Variants in AQR observed in about 807,000 individuals in gnomAD.
AQR encodes the protein RNA helicase aquarius.
Under a neutral mutation model 180.5 loss-of-function variants are expected in AQR, and 61 were observed. That is an observed-to-expected ratio of 0.34 (90% confidence interval 0.28 to 0.42). The LOEUF (loss-of-function observed/expected upper bound fraction) is 0.42. AQR is among the 10% of genes least tolerant of loss of function. The pLI is 1.00. For synonymous variants in AQR, 551 were observed against 588.8 expected, an observed-to-expected ratio of 0.94 and a Z score of 0.93; for missense variants, 1,281 against 1,798.3, an observed-to-expected ratio of 0.71 and a Z score of 5.20.
chr15:34,934,781 C>T, intron 9 of AQR, 146 bp from the exon 10 acceptor site: 4 of 476,116 alleles, frequency 8.4e-6, no homozygotes. Context: ...GAATGAGGAT[C>T]TCACATATAT....
Position 34,856,145 on chromosome 15 carries a change from C to T in AQR, c.*647G>A, listed in dbSNP as rs1056287546. 4 of 155,982 alleles carry T rather than the reference C, an allele frequency of 2.6e-5. No individual in the cohort carries two copies. Among genetic ancestry groups the T allele is most frequent in the Non-Finnish European group, 5.6e-5 (4 of 71,998 alleles). The allele number at this position is 155,982 out of a possible 1,614,324, so 9.7% of individuals were successfully genotyped here. A position where few individuals can be genotyped will look rare whatever the true frequency, so the allele number is the denominator to read the frequency against. ...CCCAAACATTAGTGGTGTGGAGAAC[C>T]TCCTAAAATATAGATTCCTAGGCTC... On this transcript the variant is annotated 3_prime_UTR_variant, in exon 35 of 35. Transcript: ENST00000156471.
chr15:34,900,490 T>C lies in AQR; in HGVS notation c.2243+132A>G, dbSNP rs933559867. ...TAATAAAGTTATCCCAGTGATTGTA[T>C]GGTGAAGGTAGGGACTGCTAAAACA... On this transcript the variant is annotated intron_variant, in intron 20 of 34. Coordinates refer to ENST00000156471, the MANE Select transcript of AQR (RefSeq NM_014691.3). 8.4e-6 allele frequency: 9 copies of C among 1,068,312 alleles called. No individual in the cohort carries two copies. The Admixed American group carries it at 1.4e-4, about 17-fold the overall frequency. The allele number at this position is 1,068,312 out of a possible 1,614,324, so 66.2% of individuals were successfully genotyped here. A position where few individuals can be genotyped will look rare whatever the true frequency, so the allele number is the denominator to read the frequency against.
chr15:34,895,014 A>C (rs1893210916), intron 22 of AQR, among the ~76,000 whole-genome samples: 1 of 150,646 alleles, frequency 6.6e-6, no homozygotes, highest in Non-Finnish European at 1.5e-5. Context: ...AAAAATACAA[A>C]AATATCAGCT....
At chr15:34,920,651 C>T (rs1595797631) in intron 13 of AQR, among the ~76,000 whole-genome samples, 5 of 152,210 alleles carry the variant, frequency 3.3e-5, no homozygotes, top group Admixed American at 3.3e-4. Flanking sequence ...GGGCAGTCCC[C>T]AAGAACACTT....
intron 12 of AQR, 42 bp from the exon 13 acceptor site, chr15:34,927,180 A>G: frequency 1.7e-6 from 2 of 1,151,636 alleles, no homozygotes; most frequent in Non-Finnish European, 1.2e-6. Flanking sequence ...TAATGTCTAC[A>G]TATTAATATA....
At chr15:34,917,736 A>G (rs545784399) in intron 15 of AQR, among the ~76,000 whole-genome samples, 2 of 151,526 alleles carry the variant, frequency 1.3e-5, no homozygotes, top group African/African-American at 4.8e-5. Context: ...TAATCCCAGC[A>G]CTTTGGGAGG....
intron 11 of AQR, among the ~76,000 whole-genome samples, chr15:34,931,568 G>A (rs1054140633): frequency 1.3e-5 from 2 of 152,150 alleles, no homozygotes. Context: ...AGCATTTTGG[G>A]AGGCCGAGGT....
In AQR at chr15:34,928,118, CGTTA is replaced by C. The variant is rs535334066; in HGVS notation, c.1015-984_1015-981del. On this transcript the variant is annotated intron_variant, in intron 12 of 34. Transcript: ENST00000156471. ...TGAAAAAAGCAGGAAAAGACATCTG[CGTTA>C]ATCCTTCTTCCAAAACAATAAGGCT... 2.5e-3 allele frequency among the ~76,000 whole-genome samples: 377 copies of C among 152,252 alleles called. 3 individuals carry two copies. Among genetic ancestry groups the C allele is most frequent in the African/African-American group, 8.5e-3 (355 of 41,540 alleles).
chr15:34,867,778 C>G (rs905306353), intron 31 of AQR, 169 bp from the exon 32 acceptor site: 5 of 556,474 alleles, frequency 9.0e-6, no homozygotes, highest in Non-Finnish European at 9.4e-6. Context: ...ATTAAAGAAA[C>G]CATACTAATC....
chr15:34,958,399 C>T (rs2140506980), intron 3 of AQR, among the ~76,000 whole-genome samples: 1 of 152,092 alleles, frequency 6.6e-6, no homozygotes, highest in Non-Finnish European at 1.5e-5. Flanking sequence ...GCCTGTGGTG[C>T]CAGCTACTCG....
intron 20 of AQR, among the ~76,000 whole-genome samples, chr15:34,897,958 T>C (rs915052384): frequency 5.3e-5 from 8 of 152,230 alleles, no homozygotes; most frequent in Non-Finnish European, 1.2e-4. Context: ...TTAAATATTA[T>C]CTCATGTGCA....
chr15:34,922,623 A>G (rs967915574), intron 13 of AQR, among the ~76,000 whole-genome samples: 1 of 151,970 alleles, frequency 6.6e-6, no homozygotes, highest in Non-Finnish European at 1.5e-5. Context: ...GGCAAGATAT[A>G]GCTCACTGCG....
At chr15:34,925,453 C>T (rs910489993) in intron 13 of AQR, among the ~76,000 whole-genome samples, 3 of 152,212 alleles carry the variant, frequency 2.0e-5, no homozygotes, top group South Asian at 2.1e-4. Flanking sequence ...ACGCATGCCC[C>T]GTTTGAATCA....
At chr15:34,925,395 T>C (rs1003100012) in intron 13 of AQR, among the ~76,000 whole-genome samples, 1 of 152,230 alleles carries the variant, frequency 6.6e-6, no homozygotes, top group East Asian at 1.9e-4. Flanking sequence ...TAAGTGTAAA[T>C]TGATAGTCTT....
In AQR at chr15:34,897,420, CAGAATAGAA is replaced by C; in HGVS notation, c.2390+130_2390+138del. The C allele has an allele frequency of 3.1e-6, 3 of 970,984 alleles. No individual in the cohort carries two copies. In the South Asian group the frequency reaches 5.0e-5, roughly 16 times the overall value. 60.1% of individuals were successfully genotyped at this position (970,984 alleles called of 1,614,324 possible). On this transcript the variant is annotated intron_variant, in intron 21 of 34. Transcript: ENST00000156471. The stretch of plus-strand genomic sequence containing the variant: ...AAATGTCAGTTATTCAGCTGACTGA[CAGAATAGAA>C]AGAAAGAGGGTTCAGAAACAGGAGT...
intron 1 of AQR, among the ~76,000 whole-genome samples, chr15:34,965,457 G>A (rs943312542): frequency 7.9e-5 from 12 of 152,238 alleles, no homozygotes; most frequent in South Asian, 2.1e-4. Flanking sequence ...GATCACCTGA[G>A]GTCAGGAGTT....
chr15:34,876,062 C>A, intron 27 of AQR, 56 bp from the exon 28 acceptor site: 3 of 1,274,148 alleles, frequency 2.4e-6, no homozygotes, highest in South Asian at 2.5e-5. Context: ...CAACTACCAT[C>A]ATAAACATAA....
In AQR at chr15:34,884,400, C is replaced by T. The variant is rs772933207; in HGVS notation, c.3027+125G>A. On this transcript the variant is annotated intron_variant, in intron 26 of 34. Transcript: ENST00000156471. Reference sequence around the variant, plus strand: ...CAGCCTGGGCAACAGGGCAAGACTCCGTCTCAAAAAAAAACAAAAAAACAA... The same window carrying T: ...CAGCCTGGGCAACAGGGCAAGACTCTGTCTCAAAAAAAAACAAAAAAACAA... 16 of 847,298 alleles carry T rather than the reference C, an allele frequency of 1.9e-5. 1 individual carries two copies. The highest frequency in any genetic ancestry group is 1.3e-4 in the Admixed American group (4 of 31,042). The allele number at this position is 847,298 out of a possible 1,614,324, so 52.5% of individuals were successfully genotyped here. A position where few individuals can be genotyped will look rare whatever the true frequency, so the allele number is the denominator to read the frequency against.
chr15:34,930,646 C>T (rs898964038), intron 11 of AQR, among the ~76,000 whole-genome samples: 11 of 152,112 alleles, frequency 7.2e-5, no homozygotes, highest in Admixed American at 2.6e-4. Context: ...ACCTAAGACA[C>T]GTTAAGGAGA....
Sources: gnomAD v4.1 joint callset for allele counts (sites outside exome capture counted in the v4.1 genomes callset) on GRCh38, gnomAD v4.1.1 for gene constraint, MANE v1.5 for transcripts, NCBI Gene and HGNC (gene_info 2026-07-23, HGNC 2026-07-21) for gene names.